Variants in JAKMIP2 observed in about 807,000 individuals in gnomAD.
The protein encoded by JAKMIP2 is janus kinase and microtubule-interacting protein 2.
In JAKMIP2, 25 loss-of-function variants were observed where a neutral mutation model predicts 115.0. The observed-to-expected ratio is 0.22, with a 90% CI of 0.16 to 0.30. The LOEUF (loss-of-function observed/expected upper bound fraction) is 0.30, where lower values mean the gene tolerates loss of function less well. Among genes scored for constraint, JAKMIP2 ranks in the 10% least tolerant of loss-of-function variants. The probability of loss-of-function intolerance (pLI) is 1.00; values close to 1 mark genes in which losing one functional copy is unlikely to be tolerated. For synonymous variants in JAKMIP2, 334 were observed against 343.6 expected (o/e 0.97, Z 0.31); for missense variants, 642 against 957.6 (o/e 0.67, Z 4.35).
chr5:147,774,680 C>T (rs774539761), intron 1 of JAKMIP2, among the ~76,000 whole-genome samples: 7 of 152,094 alleles, frequency 4.6e-5, no homozygotes, highest in Non-Finnish European at 7.4e-5. Flanking sequence ...TCAGTGATGA[C>T]TACGGAGTAA....
At chr5:147,640,936 C>A in intron 8 of JAKMIP2, 113 bp from the exon 9 acceptor site, 1 of 817,848 alleles carries the variant, frequency 1.2e-6, no homozygotes, top group Non-Finnish European at 1.9e-6. Context: ...CATGGATCCT[C>A]TATGCTTCTT....
chr5:147,718,434 C>T (rs1169780974), intron 1 of JAKMIP2, among the ~76,000 whole-genome samples: 1 of 152,028 alleles, frequency 6.6e-6, no homozygotes, highest in East Asian at 1.9e-4. Flanking sequence ...ACCAGTTCCT[C>T]CTTGTACCTC....
At chr5:147,667,629 T>C (rs1759366542) in intron 2 of JAKMIP2, among the ~76,000 whole-genome samples, 1 of 152,156 alleles carries the variant, frequency 6.6e-6, no homozygotes, top group African/African-American at 2.4e-5. Context: ...AAAGCAACTC[T>C]CAGAGAAGAG....
At chr5:147,741,048 A>G (rs1354996662) in intron 1 of JAKMIP2, among the ~76,000 whole-genome samples, 4 of 152,204 alleles carry the variant, frequency 2.6e-5, no homozygotes, top group Admixed American at 6.5e-5. Flanking sequence ...CGATCAGTAC[A>G]GAGATCATCC....
intron 2 of JAKMIP2, among the ~76,000 whole-genome samples, chr5:147,668,763 T>C (rs920662603): frequency 6.6e-6 from 1 of 152,180 alleles, no homozygotes; most frequent in African/African-American, 2.4e-5. Flanking sequence ...ATTGTCCCAT[T>C]TGACAGATGA....
At chr5:147,645,951 TC>T (rs1476241081) in intron 5 of JAKMIP2, among the ~76,000 whole-genome samples, 1 of 152,228 alleles carries the variant, frequency 6.6e-6, no homozygotes, top group African/African-American at 2.4e-5. Flanking sequence ...TTCATGATCA[TC>T]CTATACATTA....
chr5:147,672,765 A>G (rs1457858498), intron 1 of JAKMIP2, among the ~76,000 whole-genome samples: 1 of 152,202 alleles, frequency 6.6e-6, no homozygotes, highest in Admixed American at 6.5e-5. Flanking sequence ...ATGATAACAG[A>G]TGGAGAAACA....
intron 5 of JAKMIP2, among the ~76,000 whole-genome samples, chr5:147,646,583 C>T (rs1030773684): frequency 1.3e-5 from 2 of 151,672 alleles, no homozygotes; most frequent in Admixed American, 6.6e-5. Flanking sequence ...TTAAATAAAA[C>T]ACAGAAAGGT....
rs1314973692 is a variant in JAKMIP2 at position 147,587,361 on chromosome 5, CA to C, written c.*4345del. 2.0e-5 allele frequency: 3 copies of C among 151,966 alleles called. No homozygotes were observed. The highest frequency in any genetic ancestry group is 7.3e-5 in the African/African-American group (3 of 41,364). The allele number at this position is 151,966 out of a possible 1,614,324, so 9.4% of individuals were successfully genotyped here. ...CCAAAACACTGTTATGAAAATTTCA[CA>C]AAAGGCAACAAGCAATGCAACTCCC... On this transcript the variant is annotated 3_prime_UTR_variant, in exon 22 of 22. Coordinates refer to ENST00000616793, the MANE Select transcript of JAKMIP2 (RefSeq NM_001270941.2).
At chr5:147,638,371 CA>C (rs1442013707) in intron 10 of JAKMIP2, among the ~76,000 whole-genome samples, 1 of 151,740 alleles carries the variant, frequency 6.6e-6, no homozygotes, top group East Asian at 1.9e-4. Context: ...GAGGAATCTC[CA>C]AAAAATAAAA....
At position 147,644,042 on chromosome 5, in the gene JAKMIP2, A is replaced by T; in HGVS notation, c.1224+16T>A. The T allele has an allele frequency of 6.5e-7, 1 of 1,527,200 alleles. No individual in the cohort carries two copies. 94.6% of individuals were successfully genotyped at this position (1,527,200 alleles called of 1,614,324 possible). A position where few individuals can be genotyped will look rare whatever the true frequency, so the allele number is the denominator to read the frequency against. Reference sequence around the variant, plus strand: ...CTTGGGAACAACTTAGGGTTTACAGATTGATTGACACGTACCCTTGTGAGC... The same window carrying T: ...CTTGGGAACAACTTAGGGTTTACAGTTTGATTGACACGTACCCTTGTGAGC... On this transcript the variant is annotated intron_variant, in intron 7 of 21. Transcript: ENST00000616793.
chr5:147,756,263 T>G (rs1754739336), intron 1 of JAKMIP2, among the ~76,000 whole-genome samples: 1 of 152,186 alleles, frequency 6.6e-6, no homozygotes, highest in Non-Finnish European at 1.5e-5. Context: ...GTATTTGTGT[T>G]GTCTTTACAG....
intron 1 of JAKMIP2, among the ~76,000 whole-genome samples, chr5:147,732,117 A>G (rs1753755833): frequency 6.6e-6 from 1 of 152,132 alleles, no homozygotes; most frequent in South Asian, 2.1e-4. Flanking sequence ...TCTCTTTTCC[A>G]TCCCTGAGTT....
At chr5:147,639,852 A>G (rs1044515280) in intron 9 of JAKMIP2, 92 bp from the exon 10 acceptor site, 8 of 1,452,194 alleles carry the variant, frequency 5.5e-6, no homozygotes, top group African/African-American at 1.4e-5. Context: ...ACTTTTTACA[A>G]GAAGTAAAAG....
At position 147,711,347 on chromosome 5, in the gene JAKMIP2, G is replaced by A. The variant is rs555254925; in HGVS notation, c.-148-39393C>T. On this transcript the variant is annotated intron_variant, in intron 1 of 21. Transcript: ENST00000616793. ...ACTCATTTATTAGTTCATTCAACAA[G>A]TATTTATTTTGCATTGGGTACTTTG... 5.9e-5 allele frequency among the ~76,000 whole-genome samples: 9 copies of A among 152,290 alleles called. No individual in the cohort carries two copies. The East Asian group carries it at 1.7e-3, about 29-fold the overall frequency.
In JAKMIP2 at chr5:147,774,071, A is replaced by G. The variant is rs571806637; in HGVS notation, c.-149+8385T>C. Among the ~76,000 whole-genome samples, 5 of 152,312 alleles carry G rather than the reference A, an allele frequency of 3.3e-5. No individual in the cohort carries two copies. The South Asian group carries it at 6.2e-4, about 19-fold the overall frequency. On this transcript the variant is annotated intron_variant, in intron 1 of 21. Transcript: ENST00000616793. ...GTCCTTTAAAAAGAAGTCAAAATTCAAATGTTTTCCATAATATAGCTAAAA... is the reference window on the plus strand; with the variant it reads ...GTCCTTTAAAAAGAAGTCAAAATTCGAATGTTTTCCATAATATAGCTAAAA...
chr5:147,678,822 A>C (rs889465299), intron 1 of JAKMIP2, among the ~76,000 whole-genome samples: 5 of 152,140 alleles, frequency 3.3e-5, no homozygotes, highest in Non-Finnish European at 7.4e-5. Flanking sequence ...ATAAAAATTG[A>C]AAATTAAAAA....
intron 19 of JAKMIP2, among the ~76,000 whole-genome samples, chr5:147,613,968 G>C (rs1756450911): frequency 6.6e-6 from 1 of 152,184 alleles, no homozygotes; most frequent in South Asian, 2.1e-4. Context: ...TATTTCCATA[G>C]TGCTGTCAGT....
At chr5:147,748,787 C>T (rs1008426591) in intron 1 of JAKMIP2, among the ~76,000 whole-genome samples, 1 of 152,066 alleles carries the variant, frequency 6.6e-6, no homozygotes, top group African/African-American at 2.4e-5. Flanking sequence ...ATGCAAATAG[C>T]ACACTTGGTC....
Sources: allele counts gnomAD v4.1 joint callset (sites outside exome capture counted in the v4.1 genomes callset), GRCh38; gene constraint gnomAD v4.1.1; transcripts MANE v1.5; gene names NCBI Gene and HGNC (gene_info 2026-07-23, HGNC 2026-07-21).